Variants in ARID1B observed in about 807,000 individuals in gnomAD.
The protein encoded by ARID1B is AT-rich interactive domain-containing protein 1B.
ARID1B carries 30 observed loss-of-function variants against 212.3 expected under a neutral mutation model. The observed-to-expected ratio is 0.14, with a 90% CI of 0.11 to 0.19. The LOEUF (loss-of-function observed/expected upper bound fraction) is 0.19. Among genes scored for constraint, ARID1B ranks in the 10% least tolerant of loss-of-function variants. ARID1B has a pLI of 1.00. For missense variants in ARID1B, 2,891 were observed against 3,204.0 expected, an observed-to-expected ratio of 0.90 and a Z score of 2.36; for synonymous variants, 1,402 against 1,301.7, an observed-to-expected ratio of 1.08 and a Z score of -1.66.
intron 4 of ARID1B, among the ~76,000 whole-genome samples, chr6:157,005,128 G>GT (rs914908254): frequency 1.6e-5 from 2 of 125,386 alleles, no homozygotes; most frequent in African/African-American, 3.4e-5. Flanking sequence ...TGGCCAGGCT[G>GT]TTTTTTGTTG....
intron 6 of ARID1B, among the ~76,000 whole-genome samples, chr6:157,116,598 C>T (rs1182932258): frequency 6.6e-6 from 1 of 151,232 alleles, no homozygotes; most frequent in Non-Finnish European, 1.5e-5. Flanking sequence ...CTAGGAACTT[C>T]CCCTTTCGGA....
rs1785488964 is a variant in ARID1B, at chr6:157,094,547, G to T, written c.2491+9642G>T. Among the ~76,000 whole-genome samples the T allele has an allele frequency of 6.6e-6, 1 of 152,046 alleles. No homozygotes were observed. The highest frequency in any genetic ancestry group is 6.6e-5 in the Admixed American group (1 of 15,264). ...TTTTTATATTTTTAGTAGAGATGGG[G>T]TTTCGCCATGTTGGCCAGGCTGGTC... On this transcript the variant is annotated intron_variant, in intron 5 of 19. Transcript: ENST00000636930. The surrounding 1 kb of genome is among the most constrained non-coding windows in gnomAD (Gnocchi z 4.3).
chr6:157,195,828 A>AGGTGGAT (rs1367529875), intron 15 of ARID1B: 3 of 285,246 alleles, frequency 1.1e-5, no homozygotes, highest in Non-Finnish European at 2.0e-5. Context: ...TGCAAGGCTG[A>AGGTGGAT]GGTGGATGGA....
chr6:156,986,290 G>T (rs74744925), intron 4 of ARID1B, among the ~76,000 whole-genome samples: 2,591 of 152,258 alleles, frequency 0.017, 71 homozygotes, highest in African/African-American at 0.06. Context: ...TTAATTATTA[G>T]AGGGACACAT....
chr6:157,117,847 G>T (rs1204886664), intron 6 of ARID1B, among the ~76,000 whole-genome samples: 1 of 151,448 alleles, frequency 6.6e-6, no homozygotes, highest in African/African-American at 2.4e-5. Context: ...TAAAGCTACT[G>T]CTGCTGCTCC....
chr6:156,860,922 T>A (rs1170566506), intron 2 of ARID1B, among the ~76,000 whole-genome samples: 1 of 152,234 alleles, frequency 6.6e-6, no homozygotes, highest in Non-Finnish European at 1.5e-5. Flanking sequence ...GTTACTTGCT[T>A]TTTTGTGCAA....
At chr6:156,792,325 G>A (rs889189320) in intron 1 of ARID1B, among the ~76,000 whole-genome samples, 2 of 152,092 alleles carry the variant, frequency 1.3e-5, no homozygotes, top group Non-Finnish European at 2.9e-5. Context: ...ATGCAAGGCC[G>A]GACCCAGTGG....
chr6:156,879,421 G>C (rs1786861618), intron 2 of ARID1B, among the ~76,000 whole-genome samples: 1 of 151,340 alleles, frequency 6.6e-6, no homozygotes, highest in African/African-American at 2.4e-5. Context: ...TTTTGTGGCT[G>C]TGCCCCACAG....
chr6:157,085,686 G>A (rs1028038586), intron 5 of ARID1B, among the ~76,000 whole-genome samples: 6 of 149,994 alleles, frequency 4.0e-5, no homozygotes, highest in Middle Eastern at 6.8e-3. Flanking sequence ...GCTTTTTAAC[G>A]TTTCACCTCT....
Position 156,778,679 on chromosome 6 carries a change from T to G in ARID1B, c.999T>G (p.Pro333=). 1.3e-6 allele frequency: 2 copies of G among 1,488,002 alleles called. No homozygotes were observed. Among genetic ancestry groups the G allele is most frequent in the Non-Finnish European group, 1.8e-6 (2 of 1,115,070 alleles). The allele number at this position is 1,488,002 out of a possible 1,614,324, so 92.2% of individuals were successfully genotyped here. A position where few individuals can be genotyped will look rare whatever the true frequency, so the allele number is the denominator to read the frequency against. ...ASGGPGGRAG[P]CFDQHGGQQS... ...GCGGCCCCGGCGGCCGCGCTGGGCC[T>G]TGCTTTGATCAACATGGCGGACAAC... is the stretch of plus-strand genomic sequence containing the variant. Residue 333 remains proline, a synonymous_variant, in exon 1 of 20, where the codon CCT becomes CCG. Transcript: ENST00000636930.
intron 4 of ARID1B, among the ~76,000 whole-genome samples, chr6:157,043,498 G>A (rs1782021935): frequency 6.6e-6 from 1 of 152,026 alleles, no homozygotes. Context: ...CTATTACGTG[G>A]CATTTTCCCC....
chr6:156,783,672 T>C (rs925179000), intron 1 of ARID1B, among the ~76,000 whole-genome samples: 1 of 152,226 alleles, frequency 6.6e-6, no homozygotes, highest in Admixed American at 6.5e-5. Context: ...ATGAGTGATT[T>C]GATGAACATT....
chr6:156,842,312 T>C (rs1420326682), intron 2 of ARID1B, among the ~76,000 whole-genome samples: 1 of 152,234 alleles, frequency 6.6e-6, no homozygotes, highest in Non-Finnish European at 1.5e-5. Context: ...TAACCTGCCT[T>C]CTACCGCTGG....
intron 4 of ARID1B, among the ~76,000 whole-genome samples, chr6:157,035,345 G>A (rs1163202937): frequency 4.6e-5 from 7 of 152,184 alleles, no homozygotes; most frequent in South Asian, 2.1e-4. Context: ...AATGTCATAC[G>A]ATGTTCACAG....
intron 10 of ARID1B, 102 bp from the exon 11 acceptor site, chr6:157,174,745 A>T: frequency 2.9e-6 from 1 of 342,796 alleles, no homozygotes; most frequent in South Asian, 1.0e-4. Context: ...TATATAATAT[A>T]TATAAAAAAA....
At chr6:156,821,916 C>G (rs1424045450) in intron 1 of ARID1B, among the ~76,000 whole-genome samples, 2 of 152,186 alleles carry the variant, frequency 1.3e-5, no homozygotes, top group African/African-American at 4.8e-5. Context: ...GTCTCTCCCC[C>G]AACATTGCTA....
rs71558293 is a variant in ARID1B, at chr6:157,097,804, C to CT, written c.2492-12661dup. 2.0e-4 allele frequency among the ~76,000 whole-genome samples: 30 copies of CT among 152,320 alleles called. No homozygotes were observed. In the South Asian group the frequency reaches 2.3e-3, roughly 12 times the overall value. ...GACAAATTGGCAACCCTGTTCACAG[C>CT]TTTTTTTCTTCTCCCCTTTGTGTCA... is the stretch of plus-strand genomic sequence containing the variant. On this transcript the variant is annotated intron_variant, in intron 5 of 19. Transcript: ENST00000636930.
intron 2 of ARID1B, among the ~76,000 whole-genome samples, chr6:156,844,870 T>A (rs1449499681): frequency 6.6e-6 from 1 of 152,248 alleles, no homozygotes; most frequent in Non-Finnish European, 1.5e-5. Context: ...AGTTGATAAC[T>A]GCCCATTATT....
intron 15 of ARID1B, chr6:157,195,434 T>C (rs1793648988): frequency 6.6e-6 from 1 of 152,160 alleles, no homozygotes. Flanking sequence ...AGCAGGAAAA[T>C]ATCTCTGACT....
Sources: gnomAD v4.1 joint callset for allele counts (sites outside exome capture counted in the v4.1 genomes callset) on GRCh38, gnomAD v4.1.1 for gene constraint, Gnocchi (gnomAD v3.1) non-coding constraint, MANE v1.5 for transcripts, NCBI Gene and HGNC (gene_info 2026-07-23, HGNC 2026-07-21) for gene names.